Variants in WEE1 observed in about 807,000 individuals in gnomAD.
The protein encoded by WEE1 is WEE1 G2 checkpoint kinase.
WEE1 carries 16 observed loss-of-function variants against 68.8 expected under a neutral mutation model. The ratio of observed to expected loss-of-function variants is 0.23; its 90% CI spans 0.16 to 0.35. The LOEUF (loss-of-function observed/expected upper bound fraction) is 0.35. WEE1 is among the 10% of genes least tolerant of loss of function. The pLI is 1.00. For synonymous variants in WEE1, 349 were observed against 318.7 expected (o/e 1.09, Z -1.01); for missense variants, 651 against 824.1 (o/e 0.79, Z 2.57).
At position 9,585,344 on chromosome 11, in the gene WEE1, T is replaced by C; in HGVS notation, c.1375T>C (p.Phe459Leu). ...EDDWASNKVM[F>L]KIGDLGHVTR... ...TGATTGGGCATCCAACAAAGTTATGTTTAAAATAGGTAAGAAAGGTAATCA... is the reference window on the plus strand; with the variant it reads ...TGATTGGGCATCCAACAAAGTTATGCTTAAAATAGGTAAGAAAGGTAATCA... Residue 459 changes from phenylalanine (F) to leucine (L), a missense_variant, in exon 7 of 11, where the codon TTT becomes CTT. This residue lies in a region of WEE1 where 82 missense variants were observed against 123.2 expected (regional missense o/e 0.67). Transcript: ENST00000450114. The C allele has an allele frequency of 1.9e-6, 3 of 1,613,892 alleles. No homozygotes were observed. Among genetic ancestry groups the C allele is most frequent in the Non-Finnish European group, 2.5e-6 (3 of 1,179,876 alleles).
chr11:9,577,493 C>T (rs1849577051), intron 5 of WEE1: 2 of 470,698 alleles, frequency 4.2e-6, no homozygotes, highest in Non-Finnish European at 7.6e-6. Context: ...CTTGTCGCTC[C>T]AACTGAGCTT....
At position 9,585,271 on chromosome 11, in the gene WEE1, A is replaced by G; in HGVS notation, c.1302A>G (p.Ile434Met). The G allele has an allele frequency of 1.9e-6, 3 of 1,613,394 alleles. No homozygotes were observed. Among genetic ancestry groups the G allele is most frequent in the Non-Finnish European group, 2.5e-6 (3 of 1,179,604 alleles). Reference sequence around the variant, plus strand: ...ACTGTTTGACAGGTAATATTTTCATATCTCGAACCTCAATCCCAAATGCTG... The same window carrying G: ...ACTGTTTGACAGGTAATATTTTCATGTCTCGAACCTCAATCCCAAATGCTG... The part of the protein sequence containing the change: ...HMDIKPSNIF[I>M]SRTSIPNAAS... Residue 434 changes from isoleucine to methionine, a missense_variant, in exon 7 of 11, where the codon ATA (isoleucine) becomes ATG (methionine). By Grantham distance (10) the Ile-to-Met change is conservative (BLOSUM62 1). Coordinates refer to ENST00000450114, the MANE Select transcript of WEE1 (RefSeq NM_003390.4).
At chr11:9,578,879 T>TATTTA (rs370532875) in intron 5 of WEE1, 6 of 142,168 alleles carry the variant, frequency 4.2e-5, no homozygotes, top group African/African-American at 1.6e-4. Context: ...GAAAATAAGT[T>TATTTA]TTTATTTATT....
At chr11:9,579,495 G>T (rs1849601313) in intron 5 of WEE1, 1 of 152,156 alleles carries the variant, frequency 6.6e-6, no homozygotes, top group Admixed American at 6.5e-5. Context: ...TTTGGTGATA[G>T]ATTGGAATTA....
At position 9,576,726 on chromosome 11, in the gene WEE1, G is replaced by T; in HGVS notation, c.1019+67G>T. 1 of 1,502,950 alleles carries T rather than the reference G, an allele frequency of 6.7e-7. No individual in the cohort carries two copies. Among genetic ancestry groups the T allele is most frequent in the Non-Finnish European group, 8.9e-7 (1 of 1,117,438 alleles). 93.1% of individuals were successfully genotyped at this position (1,502,950 alleles called of 1,614,324 possible). On this transcript the variant is annotated intron_variant, in intron 4 of 10. Coordinates refer to ENST00000450114, the MANE Select transcript of WEE1 (RefSeq NM_003390.4). This position sits in a 1 kb window ranked among gnomAD's most constrained non-coding sequence, Gnocchi z 4.3. ...TGGTGTTACTAACATTAAGGTTTCA[G>T]CTGGTCAAACACTGAATTCCATCTC...
intron 6 of WEE1, among the ~76,000 whole-genome samples, chr11:9,584,008 G>GCTATT (rs1849673015): frequency 6.6e-6 from 1 of 151,216 alleles, no homozygotes; most frequent in South Asian, 2.1e-4. Flanking sequence ...ACCATGCCTA[G>GCTATT]TTAATTTTTG....
At chr11:9,584,583 T>A (rs563466104) in intron 6 of WEE1, among the ~76,000 whole-genome samples, 1 of 152,262 alleles carries the variant, frequency 6.6e-6, no homozygotes, top group South Asian at 2.1e-4. Context: ...TATTGCAAGG[T>A]AGATGCTATA....
chr11:9,581,289 C>A, intron 5 of WEE1: 2 of 396,024 alleles, frequency 5.1e-6, no homozygotes, highest in South Asian at 4.9e-5. Flanking sequence ...GAGAAAGAAA[C>A]AGGTGGATTG....
rs1266106902 is a variant in WEE1, at chr11:9,574,768, C to T, written c.576+259C>T. 3 of 1,017,918 alleles carry T rather than the reference C, an allele frequency of 2.9e-6. No homozygotes were observed. The African/African-American group carries it at 5.2e-5, about 17-fold the overall frequency. The allele number at this position is 1,017,918 out of a possible 1,614,324, so 63.1% of individuals were successfully genotyped here. A position where few individuals can be genotyped will look rare whatever the true frequency, so the allele number is the denominator to read the frequency against. On this transcript the variant is annotated intron_variant, in intron 1 of 10. Transcript: ENST00000450114. The surrounding 1 kb of genome is among the most constrained non-coding windows in gnomAD (Gnocchi z 4.9). ...CCCGTCCGGGTGGCCAAGGATTTGC[C>T]GCCCGTTGAGTCCGGGCCGCCCCGA...
At chr11:9,583,802 C>CACACATATAT (rs1295357946) in intron 6 of WEE1, among the ~76,000 whole-genome samples, 1 of 17,862 alleles carries the variant, frequency 5.6e-5, no homozygotes, top group Non-Finnish European at 9.9e-5. Flanking sequence ...CACACACACA[C>CACACATATAT]ATATATATAT....
At chr11:9,575,020 G>A in intron 1 of WEE1, 1 of 985,942 alleles carries the variant, frequency 1.0e-6, no homozygotes, top group Non-Finnish European at 1.2e-6. Flanking sequence ...GGCATGCAGG[G>A]AGACTACGCT....
Position 9,573,845 on chromosome 11 carries a change from G to T in WEE1, c.-89G>T. The T allele has an allele frequency of 3.6e-6, 4 of 1,111,950 alleles. No individual in the cohort carries two copies. In the East Asian group the frequency reaches 1.5e-4, roughly 41 times the overall value. The allele number at this position is 1,111,950 out of a possible 1,614,324, so 68.9% of individuals were successfully genotyped here. ...CGGCTGCGACTAGGCGCGCCCAGCC[G>T]CACGTGGCGGACCCGCCCCCAGGCC... is the stretch of plus-strand genomic sequence containing the variant. On this transcript the variant is annotated 5_prime_UTR_variant, in exon 1 of 11. Coordinates refer to ENST00000450114, the MANE Select transcript of WEE1 (RefSeq NM_003390.4).
At chr11:9,588,002 T>G (rs1264722849) in intron 10 of WEE1, among the ~76,000 whole-genome samples, 1 of 151,954 alleles carries the variant, frequency 6.6e-6, no homozygotes, top group Non-Finnish European at 1.5e-5. Flanking sequence ...GATAGGTTTG[T>G]CTGGAAATTG....
chr11:9,578,797 G>A (rs1849591565), intron 5 of WEE1: 1 of 152,118 alleles, frequency 6.6e-6, no homozygotes, highest in Admixed American at 6.6e-5. Context: ...AGGGAACTGA[G>A]TGAGTAGTCT....
At chr11:9,586,079 A>G (rs1251546820) in intron 8 of WEE1, among the ~76,000 whole-genome samples, 1 of 152,166 alleles carries the variant, frequency 6.6e-6, no homozygotes, top group Non-Finnish European at 1.5e-5. Context: ...GTGTATATAT[A>G]TGTTTGCTTT....
chr11:9,576,294 G>A lies in WEE1; in HGVS notation c.846+1G>A. The A allele has an allele frequency of 6.5e-7, 1 of 1,527,068 alleles. No homozygotes were observed. The highest frequency in any genetic ancestry group is 2.5e-5 in the East Asian group (1 of 40,758). 94.6% of individuals were successfully genotyped at this position (1,527,068 alleles called of 1,614,324 possible). A position where few individuals can be genotyped will look rare whatever the true frequency, so the allele number is the denominator to read the frequency against. On this transcript the variant is annotated splice_donor_variant, in intron 3 of 10. Coordinates refer to ENST00000450114, the MANE Select transcript of WEE1 (RefSeq NM_003390.4). LOFTEE classifies it high-confidence loss of function. The surrounding 1 kb of genome is among the most constrained non-coding windows in gnomAD (Gnocchi z 4.3). ...TGAAGATGAAACAAGACCTGCTAAGGTAAATAGCTTTTTATTTTTATTTTT... is the reference window on the plus strand; with the variant it reads ...TGAAGATGAAACAAGACCTGCTAAGATAAATAGCTTTTTATTTTTATTTTT...
intron 5 of WEE1, chr11:9,577,695 C>A (rs1849579158): frequency 3.1e-6 from 1 of 324,012 alleles, no homozygotes; most frequent in Non-Finnish European, 6.0e-6. Context: ...GATCTAAATT[C>A]AGCTGTTTCT....
At chr11:9,583,624 A>G (rs1214198540) in intron 6 of WEE1, among the ~76,000 whole-genome samples, 1 of 150,870 alleles carries the variant, frequency 6.6e-6, no homozygotes, top group Non-Finnish European at 1.5e-5. Flanking sequence ...AAAAAAAAAA[A>G]AAAAAACCTT....
chr11:9,573,950 G>A lies in WEE1; in HGVS notation c.17G>A (p.Arg6Gln), dbSNP rs1456968233. The change falls in exon 1 of 11, where the codon CGA becomes CAA. Residue 6 changes from arginine to glutamine, a missense_variant. Transcript: ENST00000450114. MSFLS[R>Q]QQPPPPRRAG... ...AGGGCCGCGATGAGCTTCCTGAGCC[G>A]ACAGCAGCCGCCGCCACCCCGCCGC... is the stretch of plus-strand genomic sequence containing the variant. The A allele has an allele frequency of 5.4e-6, 7 of 1,289,964 alleles. No homozygotes were observed. Among genetic ancestry groups the A allele is most frequent in the East Asian group, 6.4e-5 (2 of 31,454 alleles). 79.9% of individuals were successfully genotyped at this position (1,289,964 alleles called of 1,614,324 possible).
Sources: gnomAD v4.1 joint callset for allele counts (sites outside exome capture counted in the v4.1 genomes callset) on GRCh38, gnomAD v4.1.1 for gene constraint, gnomAD v4.1.1 regional missense constraint, Gnocchi (gnomAD v3.1) non-coding constraint, MANE v1.5 for transcripts, NCBI Gene and HGNC (gene_info 2026-07-23, HGNC 2026-07-21) for gene names.